The following TTLL7 variants were observed in gnomAD, a reference collection of about 807,000 sequenced individuals.
TTLL7 encodes the protein tubulin polyglutamylase TTLL7.
In TTLL7, 53 loss-of-function variants were observed where a neutral mutation model predicts 120.2. The observed-to-expected ratio is 0.44, with a 90% CI of 0.35 to 0.55. The LOEUF is 0.55. Among genes scored for constraint, TTLL7 ranks in the 20% least tolerant of loss-of-function variants. The pLI is 0.00. For synonymous variants in TTLL7, 353 were observed against 351.7 expected (o/e 1.00, Z -0.04); for missense variants, 803 against 1,054.7 (o/e 0.76, Z 3.31).
At chr1:83,955,864 G>A (rs917874519) in intron 1 of TTLL7, among the ~76,000 whole-genome samples, 1 of 152,110 alleles carries the variant, frequency 6.6e-6, no homozygotes, top group African/African-American at 2.4e-5. Context: ...AGCCAGGCAT[G>A]GTGGTGCCTG....
At chr1:83,896,184 T>C (rs929471080) in intron 18 of TTLL7, among the ~76,000 whole-genome samples, 2 of 152,084 alleles carry the variant, frequency 1.3e-5, no homozygotes, top group South Asian at 2.1e-4. Context: ...GCCCTTGTGT[T>C]ATCTGTGGGC....
rs186475454 is a variant in TTLL7 at position 83,993,856 on chromosome 1, T to C, written c.-177+5075A>G. Among the ~76,000 whole-genome samples, 20 of 152,358 alleles carry C rather than the reference T, an allele frequency of 1.3e-4. No individual in the cohort carries two copies. In the East Asian group the frequency reaches 3.7e-3, roughly 28 times the overall value. On this transcript the variant is annotated intron_variant, in intron 1 of 20. Transcript: ENST00000260505. Reference sequence around the variant, plus strand: ...ACTGTGTGTACTATGGACAGAAGTGTGTTAACAGATAAATGTCAAATAGGA... The same window carrying C: ...ACTGTGTGTACTATGGACAGAAGTGCGTTAACAGATAAATGTCAAATAGGA...
At chr1:83,872,942 C>T (rs1374709461) in intron 20 of TTLL7, among the ~76,000 whole-genome samples, 1 of 152,132 alleles carries the variant, frequency 6.6e-6, no homozygotes, top group African/African-American at 2.4e-5. Context: ...GTGGCAGAGC[C>T]AGGATTCAAA....
chr1:83,915,860 C>T (rs1317304720), intron 14 of TTLL7, among the ~76,000 whole-genome samples: 2 of 152,162 alleles, frequency 1.3e-5, no homozygotes, highest in Admixed American at 6.5e-5. Flanking sequence ...CAAAAGAAGA[C>T]ATTTATGCAG....
At chr1:83,936,376 T>C (rs538466658) in intron 8 of TTLL7, among the ~76,000 whole-genome samples, 2 of 151,974 alleles carry the variant, frequency 1.3e-5, no homozygotes, top group East Asian at 3.9e-4. Flanking sequence ...TGCCAGAGGG[T>C]ATATAAAACT....
At chr1:83,975,170 A>T (rs888046860) in intron 1 of TTLL7, among the ~76,000 whole-genome samples, 2 of 152,108 alleles carry the variant, frequency 1.3e-5, no homozygotes, top group Admixed American at 6.6e-5. Flanking sequence ...TGTTACATAC[A>T]TTGCACTATA....
At chr1:83,871,056 A>C (rs1387536070) in intron 20 of TTLL7, among the ~76,000 whole-genome samples, 2 of 148,780 alleles carry the variant, frequency 1.3e-5, no homozygotes, top group East Asian at 3.9e-4. Flanking sequence ...ATACATTTAT[A>C]TATACTATAT....
chr1:83,929,620 T>C (rs1272132029), intron 9 of TTLL7, among the ~76,000 whole-genome samples: 2 of 152,158 alleles, frequency 1.3e-5, no homozygotes, highest in African/African-American at 4.8e-5. Flanking sequence ...CAGTAATAAT[T>C]ATATCAACAC....
At chr1:83,966,250 C>T (rs2100554471) in intron 1 of TTLL7, among the ~76,000 whole-genome samples, 1 of 152,216 alleles carries the variant, frequency 6.6e-6, no homozygotes, top group East Asian at 1.9e-4. Flanking sequence ...CAAGCTGCAA[C>T]ATCAGTTCTT....
intron 1 of TTLL7, among the ~76,000 whole-genome samples, chr1:83,975,883 G>A (rs1347382682): frequency 6.6e-6 from 1 of 151,912 alleles, no homozygotes; most frequent in Non-Finnish European, 1.5e-5. Flanking sequence ...AACCTCTAGA[G>A]GATCATGAAA....
At chr1:83,948,819 A>G in intron 4 of TTLL7, 124 bp from the exon 5 acceptor site, 1 of 642,564 alleles carries the variant, frequency 1.6e-6, no homozygotes, top group Non-Finnish European at 2.6e-6. Flanking sequence ...ATTAATCTAA[A>G]AGATTTAATG....
chr1:83,955,388 G>A (rs1649421940), intron 1 of TTLL7, among the ~76,000 whole-genome samples: 1 of 152,140 alleles, frequency 6.6e-6, no homozygotes, highest in Admixed American at 6.5e-5. Context: ...CAATGAAACA[G>A]TATGATGAGG....
intron 1 of TTLL7, among the ~76,000 whole-genome samples, chr1:83,986,862 A>G (rs1313534080): frequency 6.6e-6 from 1 of 152,168 alleles, no homozygotes; most frequent in Admixed American, 6.5e-5. Flanking sequence ...GAAGAAGAAG[A>G]AGGCAAGGAT....
rs1280024701 is a variant in TTLL7, at chr1:83,956,453, G to A, written c.-176-4066C>T. On this transcript the variant is annotated intron_variant, in intron 1 of 20. Coordinates refer to ENST00000260505, the MANE Select transcript of TTLL7 (RefSeq NM_024686.6). ...TTTTTTTTTTTTTTTTTGACACGAA[G>A]TTTTGCTCTTACTGCCCAGGCTGGA... is the stretch of plus-strand genomic sequence containing the variant. 7.2e-4 allele frequency among the ~76,000 whole-genome samples: 99 copies of A among 136,810 alleles called. No individual in the cohort carries two copies. The Admixed American group carries it at 7.6e-3, about 10-fold the overall frequency. 89.8% of individuals were successfully genotyped at this position (136,810 alleles called of 152,430 possible). A position where few individuals can be genotyped will look rare whatever the true frequency, so the allele number is the denominator to read the frequency against.
intron 19 of TTLL7, among the ~76,000 whole-genome samples, chr1:83,885,442 G>T (rs1027069245): frequency 6.6e-6 from 1 of 151,952 alleles, no homozygotes; most frequent in Non-Finnish European, 1.5e-5. Context: ...CTAATCTGAT[G>T]TAACTTCTTG....
At chr1:83,892,845 T>C (rs1259952417) in intron 18 of TTLL7, among the ~76,000 whole-genome samples, 1 of 149,248 alleles carries the variant, frequency 6.7e-6, no homozygotes, top group Non-Finnish European at 1.5e-5. Context: ...TGAACACATA[T>C]ATGAGTATAT....
chr1:83,964,147 A>G (rs1171166374), intron 1 of TTLL7, among the ~76,000 whole-genome samples: 1 of 152,176 alleles, frequency 6.6e-6, no homozygotes, highest in Non-Finnish European at 1.5e-5. Context: ...AAATTCAACT[A>G]TATTTTAATA....
At chr1:83,892,586 A>G (rs1255826939) in intron 18 of TTLL7, among the ~76,000 whole-genome samples, 2 of 147,152 alleles carry the variant, frequency 1.4e-5, no homozygotes, top group African/African-American at 2.5e-5. Context: ...GAACATATAA[A>G]TGAACATATG....
chr1:83,965,630 T>G (rs1650391329), intron 1 of TTLL7, among the ~76,000 whole-genome samples: 1 of 152,192 alleles, frequency 6.6e-6, no homozygotes, highest in Non-Finnish European at 1.5e-5. Context: ...ATTTGATTAT[T>G]TAAATATTTC....
Sources: gnomAD v4.1 joint callset for allele counts (sites outside exome capture counted in the v4.1 genomes callset) on GRCh38, gnomAD v4.1.1 for gene constraint, MANE v1.5 for transcripts, NCBI Gene and HGNC (gene_info 2026-07-23, HGNC 2026-07-21) for gene names.